Variants in ETV6 observed in about 807,000 individuals in gnomAD.
The protein encoded by ETV6 is ETS variant transcription factor 6.
A neutral mutation model predicts 51.1 loss-of-function variants in ETV6; 16 were observed. The observed-to-expected ratio is 0.31, with a 90% CI of 0.21 to 0.48. The LOEUF (loss-of-function observed/expected upper bound fraction) is 0.48, where lower values mean the gene tolerates loss of function less well. Ranked by LOEUF, ETV6 falls within the 20% of genes least tolerant of loss-of-function variation. The pLI, the probability that ETV6 is intolerant of heterozygous loss-of-function variation, is 0.99. For missense variants in ETV6, 458 were observed against 594.8 expected, an observed-to-expected ratio of 0.77 and a Z score of 2.39; for synonymous variants, 240 against 224.1, an observed-to-expected ratio of 1.07 and a Z score of -0.64.
chr12:11,869,782 G>C lies in ETV6; in HGVS notation c.822G>C (p.Met274Ile), dbSNP rs1394547468. ...TCCAGCTGATGCCCAGCCCCATCAT[G>C]CACCCTCTGATCCTGAACCCCCGGC... ...RVIQLMPSPI[M>I]HPLILNPRHS... The change falls in exon 5 of 8, where the codon ATG becomes ATC. Residue 274 changes from methionine to isoleucine, a missense_variant. Met to Ile is a conservative substitution (Grantham distance 10). Around this residue, in one of 4 missense-constraint regions of ETV6, gnomAD observed 293 missense variants for 315.7 expected, o/e 0.93. Transcript: ENST00000396373. The surrounding 1 kb of genome is among the most constrained non-coding windows in gnomAD (Gnocchi z 5.0). The C allele has an allele frequency of 6.2e-7, 1 of 1,613,068 alleles. No homozygotes were observed. The highest frequency in any genetic ancestry group is 8.5e-7 in the Non-Finnish European group (1 of 1,180,022).
chr12:11,861,420 G>A (rs1486516691), intron 4 of ETV6, among the ~76,000 whole-genome samples: 1 of 152,154 alleles, frequency 6.6e-6, no homozygotes, highest in Non-Finnish European at 1.5e-5. Flanking sequence ...CCCTGCTGCA[G>A]CATGTGTTTT....
chr12:11,740,985 G>A (rs760187367), intron 1 of ETV6, among the ~76,000 whole-genome samples: 2 of 152,114 alleles, frequency 1.3e-5, no homozygotes, highest in African/African-American at 2.4e-5. Flanking sequence ...GACATGACTC[G>A]TGGGTGTATT....
chr12:11,672,264 T>A (rs1864332712), intron 1 of ETV6, among the ~76,000 whole-genome samples: 1 of 152,156 alleles, frequency 6.6e-6, no homozygotes, highest in Admixed American at 6.5e-5. Context: ...TGAGATCCTA[T>A]TAAACAGAAA....
chr12:11,753,845 C>T (rs939096026), intron 2 of ETV6, among the ~76,000 whole-genome samples: 4 of 152,230 alleles, frequency 2.6e-5, no homozygotes, highest in South Asian at 2.1e-4. Flanking sequence ...TCAGTATTTA[C>T]GAAGTTGCTG....
At chr12:11,689,733 G>T (rs538181168) in intron 1 of ETV6, among the ~76,000 whole-genome samples, 1 of 150,384 alleles carries the variant, frequency 6.6e-6, no homozygotes. Context: ...ATGTATTTCC[G>T]CATTCTGGTT....
At chr12:11,852,418 A>G (rs1250232192) in intron 3 of ETV6, among the ~76,000 whole-genome samples, 1 of 152,148 alleles carries the variant, frequency 6.6e-6, no homozygotes, top group Non-Finnish European at 1.5e-5. Flanking sequence ...TTCCTTATAG[A>G]GTATCTTGAA....
At chr12:11,718,302 CT>C (rs529925466) in intron 1 of ETV6, among the ~76,000 whole-genome samples, 112 of 152,280 alleles carry the variant, frequency 7.4e-4, no homozygotes, top group African/African-American at 2.6e-3. Flanking sequence ...CACCCCATTT[CT>C]TTTGGCACAG....
Position 11,884,507 on chromosome 12 carries a change from A to G in ETV6, c.1072A>G (p.Ile358Val), listed in dbSNP as rs1235766887. ...TTCTGACAGCCGGTACGAAAACTTC[A>G]TCCGATGGGAGGACAAAGAATCCAA... ...LLSDSRYENF[I>V]RWEDKESKIF... The change falls in exon 6 of 8, where the codon ATC (isoleucine) becomes GTC (valine). Residue 358 changes from isoleucine to valine, a missense_variant. Around this residue, in one of 4 missense-constraint regions of ETV6, gnomAD observed 55 missense variants for 151.2 expected, o/e 0.36. Transcript: ENST00000396373. 1.2e-6 allele frequency: 2 copies of G among 1,614,244 alleles called. No individual in the cohort carries two copies. Among genetic ancestry groups the G allele is most frequent in the Non-Finnish European group, 1.7e-6 (2 of 1,180,036 alleles).
intron 2 of ETV6, among the ~76,000 whole-genome samples, chr12:11,793,068 CTTTAA>C (rs1206678362): frequency 6.6e-6 from 1 of 150,762 alleles, no homozygotes; most frequent in Non-Finnish European, 1.5e-5. Context: ...AGGAATAGTT[CTTTAA>C]TTTAAAAAAA....
rs904276677 is a variant in ETV6, at chr12:11,848,612, G to A, written c.329-4815G>A. 3.3e-5 allele frequency among the ~76,000 whole-genome samples: 5 copies of A among 152,216 alleles called. No homozygotes were observed. In the East Asian group the frequency reaches 7.7e-4, roughly 23 times the overall value. On this transcript the variant is annotated intron_variant, in intron 3 of 7. Transcript: ENST00000396373. The stretch of plus-strand genomic sequence containing the variant: ...AACTGTGTTTTGTTTCTGTGTGTGC[G>A]TGTGTGTGCGCACGCGCGTGTGCAT...
intron 2 of ETV6, among the ~76,000 whole-genome samples, chr12:11,762,639 A>C (rs1945104883): frequency 6.6e-6 from 1 of 152,232 alleles, no homozygotes; most frequent in African/African-American, 2.4e-5. Flanking sequence ...GCTTGAAAGT[A>C]CATTTCCATC....
At chr12:11,789,163 G>A (rs1945539043) in intron 2 of ETV6, among the ~76,000 whole-genome samples, 1 of 152,064 alleles carries the variant, frequency 6.6e-6, no homozygotes, top group South Asian at 2.1e-4. Flanking sequence ...CTCCCGAGTA[G>A]CTGGGATTAC....
intron 4 of ETV6, among the ~76,000 whole-genome samples, chr12:11,867,954 G>A (rs1043698987): frequency 4.6e-5 from 7 of 152,110 alleles, no homozygotes; most frequent in East Asian, 3.9e-4. Flanking sequence ...TCCATTCCCC[G>A]ACCCAGCCCT....
intron 4 of ETV6, among the ~76,000 whole-genome samples, chr12:11,867,475 G>A (rs1233256894): frequency 6.6e-6 from 1 of 152,130 alleles, no homozygotes; most frequent in Non-Finnish European, 1.5e-5. Flanking sequence ...TTATACAGTA[G>A]TCACAAAATA....
intron 3 of ETV6, among the ~76,000 whole-genome samples, chr12:11,849,293 T>G (rs2136482705): frequency 6.6e-6 from 1 of 152,170 alleles, no homozygotes; most frequent in East Asian, 1.9e-4. Flanking sequence ...GTTTTTTTTG[T>G]AGAGATGGGG....
rs764775120 is a variant in ETV6, at chr12:11,821,206, C to CA, written c.164-17924dup. ...CAAAACCCCATCTCTACTAAAAATA[C>CA]AAAAAAAAAATTAGCTGGGTGTGGT... On this transcript the variant is annotated intron_variant, in intron 2 of 7. Coordinates refer to ENST00000396373, the MANE Select transcript of ETV6 (RefSeq NM_001987.5). Among the ~76,000 whole-genome samples the CA allele has an allele frequency of 1.8e-3, 267 of 147,662 alleles. 2 individuals are homozygous for CA. The highest frequency in any genetic ancestry group is 6.0e-3 in the African/African-American group (241 of 40,252).
intron 3 of ETV6, among the ~76,000 whole-genome samples, chr12:11,841,591 G>T (rs992740814): frequency 2.0e-5 from 3 of 152,332 alleles, no homozygotes; most frequent in Admixed American, 1.3e-4. Flanking sequence ...CAGTTAGGAG[G>T]TGGCAATAGA....
rs954909103 is a variant in ETV6, at chr12:11,891,825, C to T, written c.*779C>T. The T allele has an allele frequency of 6.0e-6, 2 of 334,818 alleles. No homozygotes were observed. The highest frequency in any genetic ancestry group is 1.2e-5 in the Non-Finnish European group (2 of 173,174). The allele number at this position is 334,818 out of a possible 1,614,324, so 20.7% of individuals were successfully genotyped here. A position where few individuals can be genotyped will look rare whatever the true frequency, so the allele number is the denominator to read the frequency against. On this transcript the variant is annotated 3_prime_UTR_variant, in exon 8 of 8. Transcript: ENST00000396373. ...TTGTGGCCAGCAGCACAGAATCAAA[C>T]CCGCATCCCAGCATTGGGCCACCCA... is the stretch of plus-strand genomic sequence containing the variant.
intron 2 of ETV6, among the ~76,000 whole-genome samples, chr12:11,781,009 T>C (rs1214128106): frequency 6.6e-6 from 1 of 152,238 alleles, no homozygotes; most frequent in Non-Finnish European, 1.5e-5. Flanking sequence ...GTTAGCAAAC[T>C]ATGCAAATCT....
Sources: allele counts gnomAD v4.1 joint callset (sites outside exome capture counted in the v4.1 genomes callset), GRCh38; gene constraint gnomAD v4.1.1; regional missense constraint gnomAD v4.1.1; non-coding constraint Gnocchi (gnomAD v3.1); transcripts MANE v1.5; gene names NCBI Gene and HGNC (gene_info 2026-07-23, HGNC 2026-07-21).